The following HMCN2 variants were observed in gnomAD, a reference collection of about 807,000 sequenced individuals.
HMCN2 encodes the protein hemicentin 2, also known as hemicentin-2.
A neutral mutation model predicts 377.5 loss-of-function variants in HMCN2; 325 were observed. That is an observed-to-expected ratio of 0.86 (90% CI 0.79 to 0.94). The LOEUF (loss-of-function observed/expected upper bound fraction) is 0.94. Ranked by LOEUF, HMCN2 falls within the 40% of genes least tolerant of loss-of-function variation. The pLI, the probability that HMCN2 is intolerant of heterozygous loss-of-function variation, is 0.00. For missense variants in HMCN2, 4,543 were observed against 4,725.3 expected, an observed-to-expected ratio of 0.96 and a Z score of 1.13; for synonymous variants, 2,007 against 2,046.8, an observed-to-expected ratio of 0.98 and a Z score of 0.53.
In HMCN2 at chr9:130,404,987, C is replaced by T. The variant is rs764927818; in HGVS notation, c.12267C>T (p.Gly4089=). 2.8e-5 allele frequency: 36 copies of T among 1,289,668 alleles called. 1 individual carries two copies. In the South Asian group the frequency reaches 3.8e-4, roughly 14 times the overall value. The allele number at this position is 1,289,668 out of a possible 1,614,324, so 79.9% of individuals were successfully genotyped here. ...CCAACATCACCTGGGACAAAGATGG[C>T]CAGCCTGTGTCGGGCGCCGAGGGGA... The part of the protein sequence containing the change: ...PEPNITWDKD[G]QPVSGAEGKF... The change falls in exon 81 of 98, where the codon GGC becomes GGT. Residue 4089 remains glycine, a synonymous_variant. Coordinates refer to ENST00000683500, the MANE Select transcript of HMCN2 (RefSeq NM_001291815.2).
chr9:130,376,197 C>T (rs1165052508), intron 51 of HMCN2, among the ~76,000 whole-genome samples: 1 of 152,158 alleles, frequency 6.6e-6, no homozygotes, highest in Non-Finnish European at 1.5e-5. Context: ...GGCTCCCAGA[C>T]CCACTGCAGT....
chr9:130,343,492 T>C (rs999283926), intron 25 of HMCN2, among the ~76,000 whole-genome samples: 42 of 152,132 alleles, frequency 2.8e-4, no homozygotes, highest in Non-Finnish European at 5.7e-4. Context: ...CCCCTCTGGA[T>C]CCCCAGGTGC....
intron 6 of HMCN2, among the ~76,000 whole-genome samples, chr9:130,296,336 C>T (rs570434231): frequency 6.6e-6 from 1 of 152,162 alleles, no homozygotes; most frequent in Non-Finnish European, 1.5e-5. Flanking sequence ...AAACTCTGAG[C>T]ACCTCTGAGC....
chr9:130,348,491 G>T (rs1474191453), intron 26 of HMCN2, 54 bp from the exon 27 acceptor site: 10 of 1,291,252 alleles, frequency 7.7e-6, no homozygotes, highest in Non-Finnish European at 1.0e-5. Context: ...GGTCCCTTCG[G>T]CTGTGGCTCT....
rs1386008513 is a variant in HMCN2 at position 130,351,386 on chromosome 9, G to A, written c.4431-37G>A. On this transcript the variant is annotated intron_variant, in intron 29 of 97. Transcript: ENST00000683500. This position sits in a 1 kb window ranked among gnomAD's most constrained non-coding sequence, Gnocchi z 5.4. Reference sequence around the variant, plus strand: ...TGCAGCGTGTCCCATCCAGCCCCTCGGCCTTACTGGCGCTTTTCCCTTGCC... The same window carrying A: ...TGCAGCGTGTCCCATCCAGCCCCTCAGCCTTACTGGCGCTTTTCCCTTGCC... 31 of 1,284,278 alleles carry A rather than the reference G, an allele frequency of 2.4e-5. No individual in the cohort carries two copies. The highest frequency in any genetic ancestry group is 3.1e-5 in the African/African-American group (2 of 65,438). 79.6% of individuals were successfully genotyped at this position (1,284,278 alleles called of 1,614,324 possible).
rs1210668012 is a variant in HMCN2 at position 130,398,609 on chromosome 9, C to T, written c.11385C>T (p.Ala3795=). 3 of 1,286,552 alleles carry T rather than the reference C, an allele frequency of 2.3e-6. No homozygotes were observed. The allele number at this position is 1,286,552 out of a possible 1,614,324, so 79.7% of individuals were successfully genotyped here. ...SNLTLTAHTP[A]LLPCEASGSP... The stretch of plus-strand genomic sequence containing the variant: ...TGACCCTGACCGCCCACACCCCAGC[C>T]TTGCTGCCCTGCGAGGCCAGCGGCT... The change falls in exon 75 of 98, where the codon GCC becomes GCT. Residue 3795 remains alanine, a synonymous_variant. Transcript: ENST00000683500.
Position 130,431,459 on chromosome 9 carries a change from C to T in HMCN2, c.14740C>T (p.Leu4914=). The T allele has an allele frequency of 1.3e-6, 2 of 1,549,970 alleles. No homozygotes were observed. Among genetic ancestry groups the T allele is most frequent in the Non-Finnish European group, 8.7e-7 (1 of 1,146,834 alleles). ...YQCLCPAGYR[L]LPSGKNCQDI... is the part of the protein sequence containing the mutation. ...GTGCCTGTGCCCCGCCGGCTACCGT[C>T]TGCTCCCCAGCGGGAAGAACTGCCA... Residue 4914 remains leucine, a synonymous_variant, in exon 96 of 98, where the codon CTG becomes TTG. Coordinates refer to ENST00000683500, the MANE Select transcript of HMCN2 (RefSeq NM_001291815.2).
chr9:130,295,301 A>T lies in HMCN2; in HGVS notation c.784+275A>T, dbSNP rs373494100. On this transcript the variant is annotated intron_variant, in intron 5 of 97. Coordinates refer to ENST00000683500, the MANE Select transcript of HMCN2 (RefSeq NM_001291815.2). ...AGTCTTTTCCGTGGTACCCCAGTGG[A>T]TTCTCATGGTGGTGAGAACTTGTAG... is the stretch of plus-strand genomic sequence containing the variant. 8.5e-5 allele frequency among the ~76,000 whole-genome samples: 13 copies of T among 152,112 alleles called. No homozygotes were observed. In the South Asian group the frequency reaches 2.1e-3, roughly 24 times the overall value.
intron 43 of HMCN2, 64 bp from the exon 44 acceptor site, chr9:130,368,212 T>A (rs1840800270): frequency 3.2e-6 from 3 of 946,320 alleles, no homozygotes; most frequent in Admixed American, 6.2e-5. Flanking sequence ...AAACTTTCCA[T>A]GTGGAAAGAC....
At chr9:130,398,153 CAAAAAAAAAAAAA>C (rs397940740) in intron 74 of HMCN2, among the ~76,000 whole-genome samples, 1 of 33,914 alleles carries the variant, frequency 2.9e-5, no homozygotes, top group East Asian at 9.6e-4. Context: ...ACTCCGTCTA[CAAAAAAAAAAAAA>C]AAAAAAAAAA....
chr9:130,369,832 G>A lies in HMCN2; in HGVS notation c.7050G>A (p.Lys2350=), dbSNP rs1470962832. The A allele has an allele frequency of 2.0e-6, 2 of 986,050 alleles. No individual in the cohort carries two copies. The highest frequency in any genetic ancestry group is 2.4e-6 in the Non-Finnish European group (2 of 830,348). 61.1% of individuals were successfully genotyped at this position (986,050 alleles called of 1,614,324 possible). ...ACCTGGCTGGGAGGGCAGAGAGGAA[G>A]TTTGAGCTCTCCGTACTGGGTGAGG... ...AENLAGRAER[K]FELSVLVPPE... Residue 2350 remains lysine (K), a synonymous_variant, in exon 45 of 98, where the codon AAG becomes AAA. Coordinates refer to ENST00000683500, the MANE Select transcript of HMCN2 (RefSeq NM_001291815.2). The surrounding 1 kb of genome is among the most constrained non-coding windows in gnomAD (Gnocchi z 4.5).
chr9:130,287,107 C>T (rs999043693), intron 4 of HMCN2, among the ~76,000 whole-genome samples: 2 of 152,126 alleles, frequency 1.3e-5, no homozygotes, highest in South Asian at 2.1e-4. Flanking sequence ...TGGGAAGTGA[C>T]GCTGACACTC....
intron 85 of HMCN2, among the ~76,000 whole-genome samples, chr9:130,418,510 G>A (rs1843814219): frequency 6.6e-6 from 1 of 152,094 alleles, no homozygotes; most frequent in Non-Finnish European, 1.5e-5. Flanking sequence ...TCGCACCACT[G>A]CACTCCATCC....
At chr9:130,336,913 G>T (rs944915536) in intron 22 of HMCN2, among the ~76,000 whole-genome samples, 131 of 152,264 alleles carry the variant, frequency 8.6e-4, no homozygotes, top group African/African-American at 3.0e-3. Flanking sequence ...GCCCCGTTTT[G>T]CAGAGGAGGA....
intron 37 of HMCN2, 89 bp downstream of exon 37, chr9:130,359,503 G>A (rs1840240134): frequency 1.9e-6 from 1 of 522,434 alleles, no homozygotes; most frequent in Admixed American, 3.0e-5. Flanking sequence ...TCTCTGATTG[G>A]ACATAATGGG....
rs1034391278 is a variant in HMCN2, at chr9:130,383,112, G to A, written c.8733+246G>A. 5.3e-5 allele frequency among the ~76,000 whole-genome samples: 8 copies of A among 152,130 alleles called. 1 individual carries two copies. The highest frequency in any genetic ancestry group is 1.5e-5 in the Non-Finnish European group (1 of 68,002). Reference sequence around the variant, plus strand: ...GGTGCGGGACCCAGAGCCCAGCACCGCACACAGCAGCCTTCCGCGGGATCA... The same window carrying A: ...GGTGCGGGACCCAGAGCCCAGCACCACACACAGCAGCCTTCCGCGGGATCA... On this transcript the variant is annotated intron_variant, in intron 56 of 97. Transcript: ENST00000683500.
intron 1 of HMCN2, among the ~76,000 whole-genome samples, chr9:130,283,755 G>T (rs928191316): frequency 6.6e-6 from 1 of 152,142 alleles, no homozygotes; most frequent in Non-Finnish European, 1.5e-5. Context: ...TAGTTGTCCT[G>T]TCTTATTGCT....
intron 11 of HMCN2, 119 bp from the exon 12 acceptor site, chr9:130,306,010 T>G (rs1554936528): frequency 1.2e-5 from 5 of 405,916 alleles, no homozygotes; most frequent in Non-Finnish European, 2.6e-5. Context: ...CTGGGGTCTT[T>G]GCTTTCTCTG....
At position 130,407,709 on chromosome 9, in the gene HMCN2, G is replaced by A. The variant is rs199779376; in HGVS notation, c.12688+4G>A. On this transcript the variant is annotated splice_donor_region_variant and intron_variant, in intron 83 of 97. Transcript: ENST00000683500. ...GTCAGCTTCGTCCACGTGAAGGGTA[G>A]GGCACATTCCCCAGGTGGCTTCTCT... The A allele has an allele frequency of 1.6e-5, 20 of 1,219,456 alleles. No homozygotes were observed. Among genetic ancestry groups the A allele is most frequent in the Non-Finnish European group, 7.4e-6 (7 of 951,302 alleles). The allele number at this position is 1,219,456 out of a possible 1,614,324, so 75.5% of individuals were successfully genotyped here.
Sources: gnomAD v4.1 joint callset for allele counts (sites outside exome capture counted in the v4.1 genomes callset) on GRCh38, gnomAD v4.1.1 for gene constraint, Gnocchi (gnomAD v3.1) non-coding constraint, MANE v1.5 for transcripts, NCBI Gene and HGNC (gene_info 2026-07-23, HGNC 2026-07-21) for gene names.